ULK4: variants seen among roughly 807,000 people sequenced by gnomAD.
The protein encoded by ULK4 is unc-51 like kinase 4.
A neutral mutation model predicts 160.6 loss-of-function variants in ULK4; 133 were observed. That is an observed-to-expected ratio of 0.83 (90% CI 0.72 to 0.96). The LOEUF (loss-of-function observed/expected upper bound fraction) is 0.96, where lower values mean the gene tolerates loss of function less well. Among genes scored for constraint, ULK4 ranks in the 40% least tolerant of loss-of-function variants. ULK4 has a pLI of 0.00. For synonymous variants in ULK4, 534 were observed against 539.8 expected (o/e 0.99, Z 0.15); for missense variants, 1,580 against 1,499.5 (o/e 1.05, Z -0.89).
At chr3:41,618,513 GC>G (rs2125686931) in intron 30 of ULK4, among the ~76,000 whole-genome samples, 1 of 152,210 alleles carries the variant, frequency 6.6e-6, no homozygotes, top group Non-Finnish European at 1.5e-5. Flanking sequence ...AATTTCATAT[GC>G]AGCCAAACTA....
rs2293304 is a variant in ULK4 at position 41,249,590 on chromosome 3, G to A, written c.3679-16C>T. ...TGGAGGTGATCTGCAAGGGCAGGAG[G>A]AAGAAGACAGTGGTCAGCTGACCCG... On this transcript the variant is annotated splice_polypyrimidine_tract_variant and intron_variant, in intron 35 of 36. Coordinates refer to ENST00000301831, the MANE Select transcript of ULK4 (RefSeq NM_017886.4). 0.42 allele frequency: 669,949 copies of A among 1,610,168 alleles called. 144,885 individuals carry two copies. Among genetic ancestry groups the A allele is most frequent in the Non-Finnish European group, 0.45 (530,927 of 1,177,910 alleles).
intron 36 of ULK4, 77 bp downstream of exon 36, chr3:41,249,412 G>T: frequency 7.5e-7 from 1 of 1,329,670 alleles, no homozygotes; most frequent in Non-Finnish European, 1.0e-6. Flanking sequence ...GAGATGAGTG[G>T]GAGGAGTGGA....
At chr3:41,920,898 G>A (rs1032549860) in intron 5 of ULK4, among the ~76,000 whole-genome samples, 1 of 152,120 alleles carries the variant, frequency 6.6e-6, no homozygotes, top group African/African-American at 2.4e-5. Context: ...GACAAATAAC[G>A]CCCATGGAAC....
In ULK4 at chr3:41,317,063, A is replaced by ATTTTTTTTTTTTTTTTTTTTTT. The variant is rs1164870603; in HGVS notation, c.3679-67511_3679-67490dup. Among the ~76,000 whole-genome samples, 7 of 94,522 alleles carry ATTTTTTTTTTTTTTTTTTTTTT rather than the reference A, an allele frequency of 7.4e-5. 1 individual carries two copies. The highest frequency in any genetic ancestry group is 2.6e-4 in the African/African-American group (6 of 23,330). 62.0% of individuals were successfully genotyped at this position (94,522 alleles called of 152,430 possible). On this transcript the variant is annotated intron_variant, in intron 35 of 36. Coordinates refer to ENST00000301831, the MANE Select transcript of ULK4 (RefSeq NM_017886.4). ...TGATGTAAAATAGGCAATTACATCT[A>ATTTTTTTTTTTTTTTTTTTTTT]TTTTTTTTTTTTTTTTTTTTTTTGA...
At chr3:41,882,014 G>A (rs1253911202) in intron 17 of ULK4, 3 of 489,278 alleles carry the variant, frequency 6.1e-6, no homozygotes, top group Non-Finnish European at 1.1e-5. Context: ...GCAAGTACCA[G>A]TAGAATGAGG....
intron 19 of ULK4, among the ~76,000 whole-genome samples, chr3:41,815,415 T>C (rs533910001): frequency 6.6e-6 from 1 of 152,236 alleles, no homozygotes; most frequent in Non-Finnish European, 1.5e-5. Context: ...ATATTTTATG[T>C]GAATACATTT....
chr3:41,885,962 G>C (rs183113594), intron 16 of ULK4, among the ~76,000 whole-genome samples: 1 of 152,240 alleles, frequency 6.6e-6, no homozygotes, highest in Admixed American at 6.5e-5. Flanking sequence ...ACAGGTGTGA[G>C]CTACTGCATC....
At chr3:41,533,749 C>G (rs1266464029) in intron 32 of ULK4, among the ~76,000 whole-genome samples, 2 of 152,186 alleles carry the variant, frequency 1.3e-5, no homozygotes, top group Non-Finnish European at 2.9e-5. Context: ...CCCTGCTGTA[C>G]AAAATTATTT....
chr3:41,289,410 T>A (rs2079517629), intron 35 of ULK4, among the ~76,000 whole-genome samples: 1 of 152,202 alleles, frequency 6.6e-6, no homozygotes, highest in African/African-American at 2.4e-5. Flanking sequence ...TACAATCAAC[T>A]GCAGCCACTG....
intron 35 of ULK4, among the ~76,000 whole-genome samples, chr3:41,256,155 A>C (rs2078831342): frequency 6.6e-6 from 1 of 152,232 alleles, no homozygotes; most frequent in African/African-American, 2.4e-5. Flanking sequence ...TCCTATCAAA[A>C]TCTCAGCAGA....
chr3:41,792,900 C>T (rs575417934), intron 20 of ULK4, among the ~76,000 whole-genome samples: 4 of 152,200 alleles, frequency 2.6e-5, no homozygotes, highest in Non-Finnish European at 5.9e-5. Flanking sequence ...TATGGCCGGG[C>T]GCAGTGGCTC....
chr3:41,375,459 C>A (rs1458220899), intron 35 of ULK4, among the ~76,000 whole-genome samples: 1 of 150,004 alleles, frequency 6.7e-6, no homozygotes, highest in Non-Finnish European at 1.5e-5. Flanking sequence ...AGAACAGAGG[C>A]CGCAGAAATA....
chr3:41,676,424 G>C lies in ULK4; in HGVS notation c.2978+5084C>G, dbSNP rs75549290. 3.2e-3 allele frequency among the ~76,000 whole-genome samples: 482 copies of C among 152,236 alleles called. 4 individuals carry two copies. The highest frequency in any genetic ancestry group is 7.1e-3 in the Admixed American group (109 of 15,278). ...CAGTGTTGAGAAACCCTGAGCTTTA[G>C]AAAGTATGAATTGTAAAACTCAAAA... On this transcript the variant is annotated intron_variant, in intron 29 of 36. Transcript: ENST00000301831.
At chr3:41,760,790 T>G (rs900359326) in intron 21 of ULK4, among the ~76,000 whole-genome samples, 1 of 152,220 alleles carries the variant, frequency 6.6e-6, no homozygotes, top group African/African-American at 2.4e-5. Context: ...GAAACACTTC[T>G]GGTCTCAAGC....
chr3:41,783,003 T>A (rs1222762747), intron 21 of ULK4, among the ~76,000 whole-genome samples: 1 of 144,850 alleles, frequency 6.9e-6, no homozygotes, highest in African/African-American at 2.7e-5. Context: ...GCAAAGAACA[T>A]AGAGTTGGGT....
intron 22 of ULK4, among the ~76,000 whole-genome samples, chr3:41,722,643 T>C (rs529193010): frequency 5.9e-5 from 9 of 151,622 alleles, no homozygotes; most frequent in Non-Finnish European, 1.2e-4. Flanking sequence ...AAAAATTAAT[T>C]AATTAAAATT....
intron 35 of ULK4, among the ~76,000 whole-genome samples, chr3:41,377,619 A>C (rs2081537080): frequency 6.8e-6 from 1 of 146,282 alleles, no homozygotes; most frequent in South Asian, 2.2e-4. Context: ...AAACACATGA[A>C]AAAATGCTCA....
chr3:41,743,333 G>GA lies in ULK4; in HGVS notation c.2321+11027dup, dbSNP rs1197299279. 7.5e-4 allele frequency among the ~76,000 whole-genome samples: 109 copies of GA among 145,432 alleles called. 2 individuals carry two copies. Among genetic ancestry groups the GA allele is most frequent in the African/African-American group, 2.0e-3 (81 of 39,654 alleles). ...TAGAAAAATTTTAAAGACTAAAAAG[G>GA]AAAAAAAAAACTGTCAACTACAAGT... On this transcript the variant is annotated intron_variant, in intron 22 of 36. Coordinates refer to ENST00000301831, the MANE Select transcript of ULK4 (RefSeq NM_017886.4).
intron 31 of ULK4, among the ~76,000 whole-genome samples, chr3:41,593,306 T>C (rs1483941645): frequency 2.0e-5 from 3 of 152,188 alleles, no homozygotes; most frequent in Admixed American, 6.5e-5. Flanking sequence ...AGGTCACTGA[T>C]CATGATGCGC....
Sources: gnomAD v4.1 joint callset for allele counts (sites outside exome capture counted in the v4.1 genomes callset) on GRCh38, gnomAD v4.1.1 for gene constraint, MANE v1.5 for transcripts, NCBI Gene and HGNC (gene_info 2026-07-23, HGNC 2026-07-21) for gene names.